The following IPO9 variants were observed in gnomAD, a reference collection of about 807,000 sequenced individuals.
The protein encoded by IPO9 is importin 9.
A neutral mutation model predicts 128.6 loss-of-function variants in IPO9; 28 were observed. The ratio of observed to expected loss-of-function variants is 0.22; its 90% CI spans 0.16 to 0.30. The LOEUF (loss-of-function observed/expected upper bound fraction) is 0.30, where lower values mean the gene tolerates loss of function less well. IPO9 is among the 10% of genes least tolerant of loss of function. IPO9 has a pLI of 1.00. For synonymous variants in IPO9, 455 were observed against 475.8 expected, an observed-to-expected ratio of 0.96 and a Z score of 0.57; for missense variants, 935 against 1,293.9, an observed-to-expected ratio of 0.72 and a Z score of 4.26.
intron 1 of IPO9, among the ~76,000 whole-genome samples, chr1:201,837,137 C>T (rs1183110436): frequency 1.3e-5 from 2 of 152,130 alleles, no homozygotes; most frequent in Non-Finnish European, 2.9e-5. Flanking sequence ...CTCTTATTCT[C>T]ACCATCCCTT....
intron 12 of IPO9, 147 bp downstream of exon 12, chr1:201,858,700 CTT>C: frequency 1.2e-6 from 1 of 832,772 alleles, no homozygotes; most frequent in Non-Finnish European, 1.8e-6. Flanking sequence ...AAATTTCACT[CTT>C]TTCAGCTATA....
chr1:201,872,712 G>C, intron 19 of IPO9, 116 bp from the exon 20 acceptor site: 1 of 1,186,108 alleles, frequency 8.4e-7, no homozygotes. Flanking sequence ...CTCCTAATTA[G>C]TTGTTAACGG....
intron 23 of IPO9, among the ~76,000 whole-genome samples, 191 bp downstream of exon 23, chr1:201,875,419 G>A (rs1013732219): frequency 6.6e-6 from 1 of 152,092 alleles, no homozygotes; most frequent in Non-Finnish European, 1.5e-5. Flanking sequence ...GGGACACCCT[G>A]TCTCTACAAA....
chr1:201,841,277 C>G (rs1167091652), intron 1 of IPO9, among the ~76,000 whole-genome samples: 2 of 152,054 alleles, frequency 1.3e-5, no homozygotes, highest in Non-Finnish European at 2.9e-5. Flanking sequence ...AATTGTAGTT[C>G]AATTAATAGG....
rs1680565566 is a variant in IPO9 at position 201,866,974 on chromosome 1, A to C, written c.1855+15A>C. On this transcript the variant is annotated intron_variant, in intron 15 of 23. Coordinates refer to ENST00000361565, the MANE Select transcript of IPO9 (RefSeq NM_018085.5). ...GTACAGTAATGGTATGCTGCCAGGG[A>C]GGATGTATTATGAGGGGCACCAAAG... The C allele has an allele frequency of 6.3e-7, 1 of 1,596,516 alleles. No homozygotes were observed. The highest frequency in any genetic ancestry group is 8.6e-7 in the Non-Finnish European group (1 of 1,163,966).
At chr1:201,845,022 G>T (rs536324249) in intron 1 of IPO9, among the ~76,000 whole-genome samples, 12 of 137,804 alleles carry the variant, frequency 8.7e-5, no homozygotes, top group African/African-American at 1.5e-4. Flanking sequence ...TATTTTTTTT[G>T]GGAGGGGGGG....
At chr1:201,868,407 A>C (rs1680593868) in intron 15 of IPO9, among the ~76,000 whole-genome samples, 1 of 151,712 alleles carries the variant, frequency 6.6e-6, no homozygotes, top group African/African-American at 2.4e-5. Context: ...TTGTTTTATG[A>C]GTAGCTGTTA....
intron 1 of IPO9, among the ~76,000 whole-genome samples, chr1:201,836,509 C>A (rs1188815952): frequency 6.6e-6 from 1 of 152,164 alleles, no homozygotes; most frequent in Admixed American, 6.5e-5. Context: ...TGTTAGCCTC[C>A]TTAGTAGCTG....
intron 1 of IPO9, among the ~76,000 whole-genome samples, chr1:201,834,525 A>G (rs1048306355): frequency 4.0e-5 from 6 of 151,652 alleles, no homozygotes; most frequent in Non-Finnish European, 7.4e-5. Context: ...CTCTTTTTCT[A>G]CTTCTTTCTC....
intron 11 of IPO9, among the ~76,000 whole-genome samples, chr1:201,857,795 CA>C (rs34460064): frequency 0.24 from 29,247 of 124,236 alleles, 2,657 homozygotes; most frequent in South Asian, 0.28. Flanking sequence ...AACTTGGTCT[CA>C]AAAAAAAAAA....
chr1:201,877,305 A>C lies in IPO9; in HGVS notation c.*1251A>C, dbSNP rs1260503838. 1 of 152,152 alleles carries C rather than the reference A, an allele frequency of 6.6e-6. No homozygotes were observed. The highest frequency in any genetic ancestry group is 2.4e-5 in the African/African-American group (1 of 41,428). The allele number at this position is 152,152 out of a possible 1,614,324, so 9.4% of individuals were successfully genotyped here. On this transcript the variant is annotated 3_prime_UTR_variant, in exon 24 of 24. Transcript: ENST00000361565. ...CACTTGAGATCAGGAGTTTGAGGCT[A>C]GCCTGGCCAACACAGTGAAACCTGC...
At chr1:201,845,731 A>T (rs1307078789) in intron 1 of IPO9, among the ~76,000 whole-genome samples, 1 of 152,182 alleles carries the variant, frequency 6.6e-6, no homozygotes, top group South Asian at 2.1e-4. Context: ...CACTGTTTGA[A>T]ATCTAGTGAG....
chr1:201,856,626 C>G (rs1309272350), intron 10 of IPO9, among the ~76,000 whole-genome samples: 1 of 152,138 alleles, frequency 6.6e-6, no homozygotes, highest in Non-Finnish European at 1.5e-5. Context: ...TTCTCTACAT[C>G]AAAAAGAAAA....
chr1:201,834,182 G>A (rs1331568321), intron 1 of IPO9, among the ~76,000 whole-genome samples: 3 of 120,014 alleles, frequency 2.5e-5, no homozygotes, highest in African/African-American at 9.6e-5. Flanking sequence ...TTTTTTATTC[G>A]TTAGAGTAAA....
chr1:201,851,134 G>A (rs1558218853), intron 4 of IPO9, among the ~76,000 whole-genome samples: 1 of 150,784 alleles, frequency 6.6e-6, no homozygotes, highest in African/African-American at 2.4e-5. Flanking sequence ...TCCTGCCTCA[G>A]CATCCTAAGT....
chr1:201,852,899 C>A, intron 5 of IPO9, 112 bp from the exon 6 acceptor site: 1 of 797,086 alleles, frequency 1.3e-6, no homozygotes. Flanking sequence ...CGAGGGCATC[C>A]AATCTCATGT....
At chr1:201,837,683 C>G (rs1325175759) in intron 1 of IPO9, among the ~76,000 whole-genome samples, 1 of 152,102 alleles carries the variant, frequency 6.6e-6, no homozygotes, top group South Asian at 2.1e-4. Flanking sequence ...TAGTTTGTCC[C>G]TGTAGTAATG....
In IPO9 at chr1:201,858,974, T is replaced by G. The variant is rs1680384858; in HGVS notation, c.1448T>G (p.Leu483Arg). 1 of 1,609,536 alleles carries G rather than the reference T, an allele frequency of 6.2e-7. No individual in the cohort carries two copies. The highest frequency in any genetic ancestry group is 8.5e-7 in the Non-Finnish European group (1 of 1,176,364). ...DMHGFLTNVI[L>R]ADLNLSVSPF... is the part of the protein sequence containing the mutation. The stretch of plus-strand genomic sequence containing the variant: ...CATGGGTTCCTGACCAATGTCATCC[T>G]TGCAGACCTCAACCTCTCAGGTATG... The change falls in exon 13 of 24, where the codon CTT becomes CGT. Residue 483 changes from leucine to arginine, a missense_variant. Around this residue, in one of 3 missense-constraint regions of IPO9, gnomAD observed 741 missense variants for 1,019.1 expected, o/e 0.73. Coordinates refer to ENST00000361565, the MANE Select transcript of IPO9 (RefSeq NM_018085.5).
chr1:201,832,186 C>T (rs1679848693), intron 1 of IPO9, among the ~76,000 whole-genome samples: 1 of 152,056 alleles, frequency 6.6e-6, no homozygotes, highest in Non-Finnish European at 1.5e-5. Context: ...CAGCCGTGAG[C>T]CACTGCACCC....
Sources: gnomAD v4.1 joint callset for allele counts (sites outside exome capture counted in the v4.1 genomes callset) on GRCh38, gnomAD v4.1.1 for gene constraint, gnomAD v4.1.1 regional missense constraint, MANE v1.5 for transcripts, NCBI Gene and HGNC (gene_info 2026-07-23, HGNC 2026-07-21) for gene names.